SPIDR: variants seen among roughly 807,000 people sequenced by gnomAD.
SPIDR encodes DNA repair-scaffolding protein.
In SPIDR, 93 loss-of-function variants were observed where a neutral mutation model predicts 104.6. The ratio of observed to expected loss-of-function variants is 0.89; its 90% confidence interval spans 0.75 to 1.06. SPIDR has a LOEUF of 1.06. Among genes scored for constraint, SPIDR ranks in the 50% least tolerant of loss-of-function variants. The probability of loss-of-function intolerance (pLI) is 0.00; values close to 1 mark genes in which losing one functional copy is unlikely to be tolerated. For synonymous variants in SPIDR, 431 were observed against 416.9 expected, an observed-to-expected ratio of 1.03 and a Z score of -0.41; for missense variants, 1,154 against 1,111.2, an observed-to-expected ratio of 1.04 and a Z score of -0.55.
At chr8:47,470,820 T>C (rs572394240) in intron 8 of SPIDR, among the ~76,000 whole-genome samples, 52 of 151,938 alleles carry the variant, frequency 3.4e-4, no homozygotes, top group South Asian at 1.3e-3. Flanking sequence ...CTGCAAGCTC[T>C]GCCTCCTGGG....
intron 11 of SPIDR, among the ~76,000 whole-genome samples, chr8:47,685,751 C>T (rs1186609075): frequency 1.3e-5 from 2 of 152,002 alleles, no homozygotes; most frequent in Non-Finnish European, 2.9e-5. Context: ...GACGGGGTTT[C>T]ACCATGTTGC....
intron 8 of SPIDR, among the ~76,000 whole-genome samples, chr8:47,525,718 T>TTGAGCCCAGAAGCAGG (rs2084873886): frequency 6.6e-6 from 1 of 151,460 alleles, no homozygotes; most frequent in East Asian, 1.9e-4. Context: ...GGAGAATCGC[T>TTGAGCCCAGAAGCAGG]TGAGCCCAGA....
At chr8:47,366,686 G>T (rs1338596378) in intron 5 of SPIDR, among the ~76,000 whole-genome samples, 1 of 152,146 alleles carries the variant, frequency 6.6e-6, no homozygotes, top group East Asian at 1.9e-4. Context: ...AAAGGGGGAG[G>T]ATATTAAGTC....
At chr8:47,322,493 CT>C (rs1215430801) in intron 5 of SPIDR, among the ~76,000 whole-genome samples, 1 of 152,162 alleles carries the variant, frequency 6.6e-6, no homozygotes, top group East Asian at 1.9e-4. Flanking sequence ...GTTGGTGGGA[CT>C]GTAAACTAGT....
chr8:47,586,992 A>T (rs977471175), intron 8 of SPIDR, among the ~76,000 whole-genome samples: 1 of 152,056 alleles, frequency 6.6e-6, no homozygotes, highest in African/African-American at 2.4e-5. Context: ...CTGGTCTCGA[A>T]CTCCCGATCT....
intron 5 of SPIDR, among the ~76,000 whole-genome samples, chr8:47,385,082 TA>T (rs1554647354): frequency 6.6e-6 from 1 of 152,088 alleles, no homozygotes; most frequent in Non-Finnish European, 1.5e-5. Context: ...TATTTTTAAA[TA>T]AAAAATACAT....
intron 8 of SPIDR, among the ~76,000 whole-genome samples, chr8:47,542,564 T>G (rs1189068509): frequency 6.6e-6 from 1 of 152,200 alleles, no homozygotes; most frequent in Non-Finnish European, 1.5e-5. Flanking sequence ...TTGAAAATCT[T>G]TCAGTTAATG....
chr8:47,472,157 A>C (rs1228511392), intron 8 of SPIDR, among the ~76,000 whole-genome samples: 1 of 152,220 alleles, frequency 6.6e-6, no homozygotes, highest in Non-Finnish European at 1.5e-5. Flanking sequence ...AATGCTGCAC[A>C]GGAAGGCTGC....
intron 19 of SPIDR, among the ~76,000 whole-genome samples, chr8:47,734,541 G>A (rs1468521629): frequency 1.3e-5 from 2 of 152,132 alleles, no homozygotes; most frequent in Non-Finnish European, 2.9e-5. Context: ...TTGCACAGAG[G>A]AGGAGTGTGG....
intron 8 of SPIDR, among the ~76,000 whole-genome samples, chr8:47,595,107 G>A (rs1438319397): frequency 2.0e-5 from 3 of 152,054 alleles, no homozygotes; most frequent in Non-Finnish European, 4.4e-5. Flanking sequence ...TCCACCTCTC[G>A]GTGTCTTCTT....
intron 8 of SPIDR, among the ~76,000 whole-genome samples, chr8:47,518,640 T>G (rs2083515741): frequency 6.9e-6 from 1 of 145,844 alleles, no homozygotes; most frequent in Non-Finnish European, 1.5e-5. Context: ...TTCTGCTACT[T>G]TTTTTTTTTT....
chr8:47,576,323 G>A (rs542301292), intron 8 of SPIDR, among the ~76,000 whole-genome samples: 1 of 152,170 alleles, frequency 6.6e-6, no homozygotes, highest in Non-Finnish European at 1.5e-5. Context: ...AGCTAATTAT[G>A]TATTTTTAGT....
At chr8:47,262,943 C>T (rs1179412153) in intron 1 of SPIDR, among the ~76,000 whole-genome samples, 2 of 152,134 alleles carry the variant, frequency 1.3e-5, no homozygotes, top group Non-Finnish European at 2.9e-5. Flanking sequence ...TATTGTTAGT[C>T]CTCTATCTAA....
chr8:47,701,752 G>A lies in SPIDR; in HGVS notation c.1805G>A (p.Cys602Tyr), dbSNP rs1366635615. 6.2e-7 allele frequency: 1 copy of A among 1,614,080 alleles called. No homozygotes were observed. The highest frequency in any genetic ancestry group is 8.5e-7 in the Non-Finnish European group (1 of 1,180,014). Residue 602 changes from cysteine to tyrosine, a missense_variant, in exon 13 of 20, where the codon TGT becomes TAT. Physicochemically the swap from Cys to Tyr is radical, Grantham distance 194. Coordinates refer to ENST00000297423, the MANE Select transcript of SPIDR (RefSeq NM_001080394.4). Reference protein sequence around the residue: ...IKTHLPPPALCYILTAHPNLG... With the variant: ...IKTHLPPPALYYILTAHPNLG... Reference sequence around the variant, plus strand: ...ACTCATCTGCCTCCTCCAGCCTTGTGTTACATCCTCACAGCTCATCCAAAT... The same window carrying A: ...ACTCATCTGCCTCCTCCAGCCTTGTATTACATCCTCACAGCTCATCCAAAT...
At chr8:47,611,029 A>AATGCAGT (rs1394496580) in intron 10 of SPIDR, among the ~76,000 whole-genome samples, 3 of 152,214 alleles carry the variant, frequency 2.0e-5, no homozygotes, top group African/African-American at 7.2e-5. Flanking sequence ...CTGGACCATG[A>AATGCAGT]ATGCAGTAGA....
intron 11 of SPIDR, among the ~76,000 whole-genome samples, chr8:47,683,563 G>A (rs1212427167): frequency 6.6e-6 from 1 of 152,146 alleles, no homozygotes; most frequent in Non-Finnish European, 1.5e-5. Flanking sequence ...AAATGCTTAG[G>A]ACTAGGAGTG....
intron 5 of SPIDR, among the ~76,000 whole-genome samples, chr8:47,323,238 G>T (rs1408516554): frequency 1.3e-5 from 2 of 152,042 alleles, no homozygotes; most frequent in African/African-American, 4.8e-5. Context: ...AAAAATTTCT[G>T]GTCGAAATTT....
chr8:47,541,271 T>G (rs1336339402), intron 8 of SPIDR, among the ~76,000 whole-genome samples: 1 of 152,214 alleles, frequency 6.6e-6, no homozygotes, highest in East Asian at 1.9e-4. Context: ...ATTGGAGCCA[T>G]TTTTGTTTTA....
intron 14 of SPIDR, among the ~76,000 whole-genome samples, chr8:47,707,120 G>A (rs537393062): frequency 7.1e-4 from 108 of 152,166 alleles, no homozygotes; most frequent in African/African-American, 2.5e-3. Flanking sequence ...TGGGTATGGT[G>A]GTGCACGCCT....
Sources: gnomAD v4.1 joint callset for allele counts (sites outside exome capture counted in the v4.1 genomes callset) on GRCh38, gnomAD v4.1.1 for gene constraint, MANE v1.5 for transcripts, NCBI Gene and HGNC (gene_info 2026-07-23, HGNC 2026-07-21) for gene names.